TLK1: variants seen among roughly 807,000 people sequenced by gnomAD.
The protein encoded by TLK1 is serine/threonine-protein kinase tousled-like 1.
TLK1 carries 24 observed loss-of-function variants against 105.3 expected under a neutral mutation model. The ratio of observed to expected loss-of-function variants is 0.23; its 90% CI spans 0.17 to 0.32. TLK1 has a LOEUF of 0.32. Among genes scored for constraint, TLK1 ranks in the 10% least tolerant of loss-of-function variants. TLK1 has a pLI of 1.00. For synonymous variants in TLK1, 321 were observed against 310.4 expected, an observed-to-expected ratio of 1.03 and a Z score of -0.36; for missense variants, 558 against 910.5, an observed-to-expected ratio of 0.61 and a Z score of 4.98.
chr2:171,050,954 A>T (rs185347879), intron 8 of TLK1, among the ~76,000 whole-genome samples: 1 of 152,362 alleles, frequency 6.6e-6, no homozygotes, highest in Non-Finnish European at 1.5e-5. Flanking sequence ...ACACTTTGAG[A>T]ATCAAAAGTC....
chr2:171,003,501 G>A (rs1460048707), intron 18 of TLK1, among the ~76,000 whole-genome samples: 1 of 152,118 alleles, frequency 6.6e-6, no homozygotes, highest in Non-Finnish European at 1.5e-5. Flanking sequence ...CTCCTTGAGA[G>A]CACTTCCATC....
intron 2 of TLK1, among the ~76,000 whole-genome samples, chr2:171,107,195 T>C (rs1232118669): frequency 6.6e-6 from 1 of 152,338 alleles, no homozygotes. Flanking sequence ...GTGTAACTCC[T>C]ACTGCACCAC....
At chr2:171,036,516 T>C (rs1686346938) in intron 11 of TLK1, among the ~76,000 whole-genome samples, 1 of 152,190 alleles carries the variant, frequency 6.6e-6, no homozygotes, top group Non-Finnish European at 1.5e-5. Flanking sequence ...CAGAAGATCA[T>C]CATAAAAGAT....
chr2:171,216,794 G>A (rs541679801), intron 1 of TLK1, among the ~76,000 whole-genome samples: 2 of 152,226 alleles, frequency 1.3e-5, no homozygotes, highest in East Asian at 3.9e-4. Flanking sequence ...CAGGGAAAAC[G>A]TCATGTAACA....
chr2:171,117,928 T>A, intron 1 of TLK1, 71 bp from the exon 2 acceptor site: 1 of 1,035,246 alleles, frequency 9.7e-7, no homozygotes, highest in Non-Finnish European at 1.4e-6. Flanking sequence ...CACACAAATA[T>A]ATATATGTGA....
intron 1 of TLK1, among the ~76,000 whole-genome samples, chr2:171,205,801 A>G (rs1184140931): frequency 2.0e-5 from 3 of 152,206 alleles, no homozygotes; most frequent in Non-Finnish European, 4.4e-5. Context: ...ACTGAGTTAA[A>G]CCACTATTTG....
rs1331809367 is a variant in TLK1 at position 170,996,664 on chromosome 2, T to G, written c.2113A>C (p.Ser705Arg). The G allele has an allele frequency of 6.2e-7, 1 of 1,611,322 alleles. No homozygotes were observed. Among genetic ancestry groups the G allele is most frequent in the Non-Finnish European group, 8.5e-7 (1 of 1,179,318 alleles). The stretch of plus-strand genomic sequence containing the variant: ...CAAAAATTTAATACCTTGGCTTCAC[T>G]GCTTACAACCGGTTTTACAGGGAAC... ...VQFPVKPVVS[S>R]EAKAFIRRCL... Residue 705 changes from serine to arginine, a missense_variant, in exon 20 of 21, where the codon AGT becomes CGT. By Grantham distance (110) the Ser-to-Arg change is moderately radical. Coordinates refer to ENST00000431350, the MANE Select transcript of TLK1 (RefSeq NM_012290.5).
intron 1 of TLK1, among the ~76,000 whole-genome samples, chr2:171,172,161 C>T (rs1313655165): frequency 6.6e-6 from 1 of 152,156 alleles, no homozygotes; most frequent in Admixed American, 6.5e-5. Context: ...GGAAGATAGA[C>T]ATGAAAGATT....
chr2:170,997,641 T>G (rs1684127848), intron 19 of TLK1, 71 bp downstream of exon 19: 1 of 909,902 alleles, frequency 1.1e-6, no homozygotes, highest in Non-Finnish European at 1.6e-6. Flanking sequence ...TAGTGAAATT[T>G]TGCTTTTAAG....
chr2:171,026,819 T>C (rs550449657), intron 12 of TLK1, among the ~76,000 whole-genome samples: 10 of 152,252 alleles, frequency 6.6e-5, no homozygotes, highest in Admixed American at 5.9e-4. Context: ...ATCACTATTA[T>C]AGAACTATTA....
chr2:171,221,125 T>C lies in TLK1; in HGVS notation c.-6+10020A>G, dbSNP rs145962577. On this transcript the variant is annotated intron_variant, in intron 1 of 20. Transcript: ENST00000521943. The stretch of plus-strand genomic sequence containing the variant: ...CTTGAGTGGCACACAGCATTCCACA[T>C]TTCTGGGAGCAGAGAGCACATTTCT... Among the ~76,000 whole-genome samples the C allele has an allele frequency of 1.8e-4, 27 of 152,328 alleles. 1 individual carries two copies. The East Asian group carries it at 5.0e-3, about 28-fold the overall frequency.
At chr2:171,148,254 T>A (rs2105590791) in intron 1 of TLK1, among the ~76,000 whole-genome samples, 1 of 152,250 alleles carries the variant, frequency 6.6e-6, no homozygotes, top group East Asian at 1.9e-4. Flanking sequence ...TGTTTTTTTG[T>A]GTGTTCTTAT....
intron 2 of TLK1, among the ~76,000 whole-genome samples, chr2:171,099,502 A>G (rs1221236934): frequency 6.6e-6 from 1 of 152,156 alleles, no homozygotes. Context: ...AAATTGACAA[A>G]TTGATCATAA....
intron 1 of TLK1, among the ~76,000 whole-genome samples, chr2:171,209,854 G>C (rs1255013788): frequency 1.3e-5 from 2 of 152,156 alleles, no homozygotes; most frequent in Non-Finnish European, 2.9e-5. Context: ...TGGACTTCTA[G>C]CCTCCAGAAT....
Position 171,083,486 on chromosome 2 carries a change from C to T in TLK1, c.259-634G>A, listed in dbSNP as rs144710049. ...GATGATGTCTGCTTTGTTTCCAATACGCTTCTATGATACTTATTATCTTGT... is the reference window on the plus strand; with the variant it reads ...GATGATGTCTGCTTTGTTTCCAATATGCTTCTATGATACTTATTATCTTGT... On this transcript the variant is annotated intron_variant, in intron 2 of 20. Transcript: ENST00000431350. 9.6e-3 allele frequency among the ~76,000 whole-genome samples: 1,460 copies of T among 152,226 alleles called. 10 individuals carry two copies. Among genetic ancestry groups the T allele is most frequent in the Middle Eastern group, 0.017 (5 of 294 alleles).
chr2:171,221,918 G>A (rs1408677754), intron 1 of TLK1, among the ~76,000 whole-genome samples: 1 of 152,208 alleles, frequency 6.6e-6, no homozygotes, highest in Non-Finnish European at 1.5e-5. Flanking sequence ...ACAGTCACAT[G>A]GGGGGTTAGG....
At chr2:170,999,298 C>T (rs1021585892) in intron 18 of TLK1, among the ~76,000 whole-genome samples, 1 of 152,166 alleles carries the variant, frequency 6.6e-6, no homozygotes, top group African/African-American at 2.4e-5. Flanking sequence ...TGACAGATCT[C>T]TTAAAATACA....
intron 11 of TLK1, among the ~76,000 whole-genome samples, chr2:171,029,134 A>AG (rs1201756256): frequency 6.6e-6 from 1 of 152,178 alleles, no homozygotes; most frequent in Non-Finnish European, 1.5e-5. Context: ...CAAGCTGGGG[A>AG]GACATACTAT....
At chr2:171,112,153 T>C (rs1411056032) in intron 2 of TLK1, among the ~76,000 whole-genome samples, 1 of 152,202 alleles carries the variant, frequency 6.6e-6, no homozygotes, top group East Asian at 1.9e-4. Flanking sequence ...GGTTTCACCA[T>C]ATTGGCCAGG....
Sources: allele counts gnomAD v4.1 joint callset (sites outside exome capture counted in the v4.1 genomes callset), GRCh38; gene constraint gnomAD v4.1.1; transcripts MANE v1.5; gene names NCBI Gene and HGNC (gene_info 2026-07-23, HGNC 2026-07-21).